CDH13: variants seen among roughly 807,000 people sequenced by gnomAD.
The protein encoded by CDH13 is cadherin 13.
In CDH13, 24 loss-of-function variants were observed where a neutral mutation model predicts 63.8. That is an observed-to-expected ratio of 0.38 (90% CI 0.27 to 0.53). The LOEUF is 0.53. Among genes scored for constraint, CDH13 ranks in the 20% least tolerant of loss-of-function variants. The pLI, the probability that CDH13 is intolerant of heterozygous loss-of-function variation, is 0.85. For missense variants in CDH13, 1,049 were observed against 903.1 expected (o/e 1.16, Z -2.07); for synonymous variants, 503 against 355.3 (o/e 1.42, Z -4.67).
chr16:82,961,589 A>AAAAAAAAC lies in CDH13; in HGVS notation c.158-70420_158-70413dup, dbSNP rs1567697636. On this transcript the variant is annotated intron_variant, in intron 2 of 13. Transcript: ENST00000567109. ...AGGGGACTTAAAAAAAAAAAAAAAA[A>AAAAAAAAC]AAAAAAACTACTGGTACTTGGGCCT... Among the ~76,000 whole-genome samples, 459 of 151,382 alleles carry AAAAAAAAC rather than the reference A, an allele frequency of 3.0e-3. 3 individuals are homozygous for AAAAAAAAC. Among genetic ancestry groups the AAAAAAAAC allele is most frequent in the African/African-American group, 0.01 (423 of 41,088 alleles).
At chr16:83,633,686 G>C (rs370202461) in intron 8 of CDH13, among the ~76,000 whole-genome samples, 9 of 152,258 alleles carry the variant, frequency 5.9e-5, no homozygotes, top group African/African-American at 1.9e-4. Flanking sequence ...ACGCACACTG[G>C]CTTTCCGTAG....
chr16:83,248,107 G>C (rs901555656), intron 5 of CDH13, among the ~76,000 whole-genome samples: 1 of 152,150 alleles, frequency 6.6e-6, no homozygotes, highest in Non-Finnish European at 1.5e-5. Context: ...AATGAGATCA[G>C]AGACAGGGGA....
intron 2 of CDH13, among the ~76,000 whole-genome samples, chr16:82,899,073 G>T (rs1409452746): frequency 2.0e-5 from 3 of 152,174 alleles, no homozygotes; most frequent in Non-Finnish European, 4.4e-5. Context: ...AGGACCATCT[G>T]AAGGGTCCAT....
At chr16:83,195,047 A>G (rs1026196175) in intron 4 of CDH13, among the ~76,000 whole-genome samples, 1 of 152,222 alleles carries the variant, frequency 6.6e-6, no homozygotes, top group African/African-American at 2.4e-5. Flanking sequence ...TTGTTTGAGT[A>G]ACCCCTTTCC....
chr16:83,409,266 GC>G (rs1340893151), intron 6 of CDH13, among the ~76,000 whole-genome samples: 1 of 151,930 alleles, frequency 6.6e-6, no homozygotes, highest in African/African-American at 2.4e-5. Flanking sequence ...GAGTGGATAT[GC>G]CAATCCCATT....
chr16:83,564,939 G>C (rs1235450372), intron 7 of CDH13, among the ~76,000 whole-genome samples: 1 of 151,984 alleles, frequency 6.6e-6, no homozygotes, highest in Non-Finnish European at 1.5e-5. Context: ...TTGTTGTTTT[G>C]TTTGTTTGTT....
At chr16:83,506,708 A>G (rs1222426884) in intron 7 of CDH13, among the ~76,000 whole-genome samples, 5 of 152,302 alleles carry the variant, frequency 3.3e-5, no homozygotes, top group Non-Finnish European at 7.4e-5. Context: ...GTGAATTCTG[A>G]GCCTTGTTTA....
At chr16:82,793,955 T>C (rs1241117647) in intron 1 of CDH13, among the ~76,000 whole-genome samples, 1 of 151,994 alleles carries the variant, frequency 6.6e-6, no homozygotes, top group African/African-American at 2.4e-5. Flanking sequence ...AGGCTTTTAC[T>C]GGGTGGAAAT....
intron 4 of CDH13, among the ~76,000 whole-genome samples, chr16:83,136,486 CAAAA>C (rs542700844): frequency 4.9e-5 from 3 of 61,548 alleles, no homozygotes; most frequent in Non-Finnish European, 3.6e-5. Flanking sequence ...ACTCTGTCTC[CAAAA>C]AAAAAAAAAA....
Position 83,678,456 on chromosome 16 carries a change from C to G in CDH13, c.1533C>G (p.Thr511=). The change falls in exon 10 of 14, where the codon ACC becomes ACG. Residue 511 remains threonine, a synonymous_variant. Transcript: ENST00000567109. ...ATDPDSLQHQ[T]IRYSVYKDPA... is the part of the protein sequence containing the mutation. Reference sequence around the variant, plus strand: ...ACCCCGACTCCCTGCAGCATCAAACCATCAGGTGGGTGAGTGGCTCCGGAA... The same window carrying G: ...ACCCCGACTCCCTGCAGCATCAAACGATCAGGTGGGTGAGTGGCTCCGGAA... 6.2e-7 allele frequency: 1 copy of G among 1,613,936 alleles called. No homozygotes were observed. Among genetic ancestry groups the G allele is most frequent in the Non-Finnish European group, 8.5e-7 (1 of 1,179,852 alleles).
At chr16:82,792,433 C>G (rs187705549) in intron 1 of CDH13, among the ~76,000 whole-genome samples, 1 of 152,144 alleles carries the variant, frequency 6.6e-6, no homozygotes, top group Non-Finnish European at 1.5e-5. Context: ...AATTCATTAC[C>G]CAGAAATATG....
chr16:82,693,340 G>T (rs927988066), intron 1 of CDH13, among the ~76,000 whole-genome samples: 1 of 152,150 alleles, frequency 6.6e-6, no homozygotes, highest in Non-Finnish European at 1.5e-5. Flanking sequence ...GAAAGTCTAG[G>T]CTTGGGTATC....
intron 2 of CDH13, among the ~76,000 whole-genome samples, chr16:83,020,237 A>G (rs182235044): frequency 6.6e-6 from 1 of 152,062 alleles, no homozygotes; most frequent in Non-Finnish European, 1.5e-5. Context: ...TAGGACCTCA[A>G]TGTATTCTCC....
At chr16:83,101,954 A>G (rs2034498561) in intron 3 of CDH13, among the ~76,000 whole-genome samples, 1 of 152,214 alleles carries the variant, frequency 6.6e-6, no homozygotes. Flanking sequence ...GTGTTACCTT[A>G]TATGGCCAAA....
intron 5 of CDH13, among the ~76,000 whole-genome samples, chr16:83,270,697 C>T (rs749218736): frequency 2.0e-5 from 3 of 152,160 alleles, no homozygotes; most frequent in Non-Finnish European, 4.4e-5. Flanking sequence ...TCATATTTTT[C>T]AAGACACGTT....
chr16:83,544,146 G>T (rs999010629), intron 7 of CDH13, among the ~76,000 whole-genome samples: 1 of 152,216 alleles, frequency 6.6e-6, no homozygotes, highest in South Asian at 2.1e-4. Flanking sequence ...CCCACTCGCA[G>T]TGTCTCTGAG....
chr16:83,503,219 G>T (rs1488086689), intron 7 of CDH13, among the ~76,000 whole-genome samples: 8 of 152,216 alleles, frequency 5.3e-5, no homozygotes, highest in African/African-American at 1.9e-4. Flanking sequence ...GTGGTGAATT[G>T]TACCCTTTTT....
At chr16:82,903,466 C>G (rs1041110743) in intron 2 of CDH13, among the ~76,000 whole-genome samples, 1 of 152,208 alleles carries the variant, frequency 6.6e-6, no homozygotes, top group Admixed American at 6.5e-5. Flanking sequence ...AATTTTTATC[C>G]TCATCGTTTC....
intron 3 of CDH13, among the ~76,000 whole-genome samples, chr16:83,100,875 C>G (rs550514709): frequency 2.6e-5 from 4 of 152,274 alleles, no homozygotes; most frequent in East Asian, 3.9e-4. Flanking sequence ...AGCGTACAAC[C>G]TTTACCACCA....
Sources: allele counts gnomAD v4.1 joint callset (sites outside exome capture counted in the v4.1 genomes callset), GRCh38; gene constraint gnomAD v4.1.1; transcripts MANE v1.5; gene names NCBI Gene and HGNC (gene_info 2026-07-23, HGNC 2026-07-21).